The following AFG1L variants were observed in gnomAD, a reference collection of about 807,000 sequenced individuals.
The protein encoded by AFG1L is AFG1-like ATPase.
AFG1L carries 53 observed loss-of-function variants against 62.2 expected under a neutral mutation model. That is an observed-to-expected ratio of 0.85 (90% CI 0.68 to 1.07). The LOEUF is 1.07. Among genes scored for constraint, AFG1L ranks in the 50% least tolerant of loss-of-function variants. The pLI, the probability that AFG1L is intolerant of heterozygous loss-of-function variation, is 0.00. For missense variants in AFG1L, 555 were observed against 590.5 expected (o/e 0.94, Z 0.62); for synonymous variants, 228 against 210.3 (o/e 1.08, Z -0.73).
chr6:108,356,756 C>T lies in AFG1L; in HGVS notation c.584C>T (p.Pro195Leu). The change falls in exon 5 of 13, where the codon CCA (proline) becomes CTA (leucine). Residue 195 changes from proline to leucine, a missense_variant. By Grantham distance (98) the Pro-to-Leu change is moderately conservative (BLOSUM62 -3). Transcript: ENST00000368977. ...GGATTCATGGCTAAATCATATGACC[C>T]AATAGCTCCCATAGCCGAAGAAATC... ...KPGFMAKSYD[P>L]IAPIAEEISE... 3 of 1,612,808 alleles carry T rather than the reference C, an allele frequency of 1.9e-6. No homozygotes were observed. Among genetic ancestry groups the T allele is most frequent in the Admixed American group, 1.7e-5 (1 of 59,970 alleles).
intron 2 of AFG1L, among the ~76,000 whole-genome samples, chr6:108,330,533 C>A (rs559951967): frequency 6.6e-6 from 1 of 152,222 alleles, no homozygotes; most frequent in African/African-American, 2.4e-5. Flanking sequence ...TGACTTTGGA[C>A]TGTAAACCTT....
chr6:108,511,668 A>G (rs1774657330), intron 11 of AFG1L, among the ~76,000 whole-genome samples: 1 of 152,204 alleles, frequency 6.6e-6, no homozygotes, highest in African/African-American at 2.4e-5. Flanking sequence ...TTACCATTAG[A>G]TATACTTTTT....
chr6:108,325,034 A>G (rs758906362), intron 2 of AFG1L, among the ~76,000 whole-genome samples: 1 of 152,168 alleles, frequency 6.6e-6, no homozygotes, highest in Non-Finnish European at 1.5e-5. Context: ...GTGTCCGTGC[A>G]GGCCACAGGA....
chr6:108,295,364 A>G, intron 1 of AFG1L, 146 bp downstream of exon 1: 2 of 855,162 alleles, frequency 2.3e-6, no homozygotes, highest in South Asian at 1.8e-5. Flanking sequence ...ATTTCTCTTG[A>G]CCTTTTATAC....
intron 10 of AFG1L, among the ~76,000 whole-genome samples, chr6:108,505,136 C>G (rs935385006): frequency 6.6e-6 from 1 of 150,986 alleles, no homozygotes. Context: ...ACACTGTCAC[C>G]CAGGCTGGAG....
chr6:108,440,723 G>A (rs1771508926), intron 7 of AFG1L, among the ~76,000 whole-genome samples: 4 of 151,460 alleles, frequency 2.6e-5, no homozygotes, highest in African/African-American at 9.7e-5. Context: ...GGGAGGCTGA[G>A]GCAGGGAGAA....
Position 108,379,252 on chromosome 6 carries a change from C to T in AFG1L, c.748+12920C>T, listed in dbSNP as rs536469508. Among the ~76,000 whole-genome samples the T allele has an allele frequency of 7.2e-4, 109 of 152,002 alleles. 1 individual carries two copies. The highest frequency in any genetic ancestry group is 2.5e-3 in the African/African-American group (103 of 41,444). The stretch of plus-strand genomic sequence containing the variant: ...TCTTGATCTCCTGACCCAAGTGATC[C>T]GTCCACCTTAGCCTCCCAAGGTGCT... On this transcript the variant is annotated intron_variant, in intron 6 of 12. Coordinates refer to ENST00000368977, the MANE Select transcript of AFG1L (RefSeq NM_145315.5).
intron 6 of AFG1L, chr6:108,392,230 T>A (rs563007641): frequency 1.3e-5 from 2 of 152,336 alleles, no homozygotes; most frequent in South Asian, 4.1e-4. Flanking sequence ...ATGATGGTGA[T>A]GCTTAACAAC....
chr6:108,353,500 G>C (rs1779156895), intron 3 of AFG1L, among the ~76,000 whole-genome samples: 2 of 151,852 alleles, frequency 1.3e-5, no homozygotes, highest in Non-Finnish European at 2.9e-5. Context: ...TTTCCACAGT[G>C]ACAGTACCAT....
At chr6:108,430,140 A>G (rs1395940580) in intron 7 of AFG1L, among the ~76,000 whole-genome samples, 1 of 151,800 alleles carries the variant, frequency 6.6e-6, no homozygotes, top group Non-Finnish European at 1.5e-5. Context: ...TAGAGATAGG[A>G]TTTCACCATG....
At chr6:108,340,074 A>G (rs1041463182) in intron 2 of AFG1L, among the ~76,000 whole-genome samples, 16 of 151,822 alleles carry the variant, frequency 1.1e-4, no homozygotes, top group Non-Finnish European at 2.1e-4. Flanking sequence ...GTCTCTGGTA[A>G]CCATCCTTCT....
At chr6:108,390,093 C>A (rs950481683) in intron 6 of AFG1L, among the ~76,000 whole-genome samples, 1 of 152,092 alleles carries the variant, frequency 6.6e-6, no homozygotes, top group African/African-American at 2.4e-5. Flanking sequence ...ACTCTTTTTT[C>A]TCTAAACTTC....
At chr6:108,469,913 G>T (rs189161725) in intron 8 of AFG1L, among the ~76,000 whole-genome samples, 107 of 152,226 alleles carry the variant, frequency 7.0e-4, no homozygotes, top group African/African-American at 2.4e-3. Context: ...GTGGAGGAGG[G>T]CAGGAATCTG....
intron 1 of AFG1L, among the ~76,000 whole-genome samples, chr6:108,314,909 G>A (rs1777534681): frequency 6.6e-6 from 1 of 151,832 alleles, no homozygotes; most frequent in Non-Finnish European, 1.5e-5. Context: ...GGGTGATCTT[G>A]GCTCATGCAA....
intron 7 of AFG1L, among the ~76,000 whole-genome samples, chr6:108,444,630 T>G (rs1174291420): frequency 6.6e-6 from 1 of 152,208 alleles, no homozygotes; most frequent in Non-Finnish European, 1.5e-5. Context: ...CTTGTGCACT[T>G]CCATCAGAGC....
intron 6 of AFG1L, among the ~76,000 whole-genome samples, chr6:108,374,097 AT>A (rs539643638): frequency 1.3e-5 from 2 of 151,242 alleles, no homozygotes; most frequent in Non-Finnish European, 2.9e-5. Flanking sequence ...GGTGATGTGG[AT>A]TTTTTTTTAT....
chr6:108,451,858 G>A (rs1263438538), intron 8 of AFG1L, among the ~76,000 whole-genome samples: 2 of 152,022 alleles, frequency 1.3e-5, no homozygotes, highest in African/African-American at 2.4e-5. Context: ...GGGATTACAG[G>A]CACACGCCAC....
intron 4 of AFG1L, 85 bp downstream of exon 4, chr6:108,355,840 T>C (rs1779269133): frequency 4.4e-6 from 4 of 910,554 alleles, no homozygotes; most frequent in Non-Finnish European, 6.9e-6. Context: ...ATATACTCTT[T>C]AAAAATTAGA....
chr6:108,414,122 C>T (rs1297780959), intron 7 of AFG1L, among the ~76,000 whole-genome samples: 1 of 152,106 alleles, frequency 6.6e-6, no homozygotes, highest in East Asian at 1.9e-4. Flanking sequence ...TACAAACTAC[C>T]ATCAGAGAAT....
Sources: gnomAD v4.1 joint callset for allele counts (sites outside exome capture counted in the v4.1 genomes callset) on GRCh38, gnomAD v4.1.1 for gene constraint, MANE v1.5 for transcripts, NCBI Gene and HGNC (gene_info 2026-07-23, HGNC 2026-07-21) for gene names.